SPTBN1: variants seen among roughly 807,000 people sequenced by gnomAD.
SPTBN1 encodes spectrin beta, non-erythrocytic 1, also known as spectrin beta chain, non-erythrocytic 1.
SPTBN1 carries 32 observed loss-of-function variants against 266.4 expected under a neutral mutation model. The observed-to-expected ratio is 0.12, with a 90% CI of 0.09 to 0.16. The LOEUF (loss-of-function observed/expected upper bound fraction) is 0.16. Among genes scored for constraint, SPTBN1 ranks in the 10% least tolerant of loss-of-function variants. The pLI, the probability that SPTBN1 is intolerant of heterozygous loss-of-function variation, is 1.00. For synonymous variants in SPTBN1, 1,336 were observed against 1,162.2 expected, an observed-to-expected ratio of 1.15 and a Z score of -3.04; for missense variants, 2,296 against 3,067.1, an observed-to-expected ratio of 0.75 and a Z score of 5.94.
At chr2:54,643,849 G>C (rs1285721834) in intron 19 of SPTBN1, among the ~76,000 whole-genome samples, 1 of 152,148 alleles carries the variant, frequency 6.6e-6, no homozygotes, top group East Asian at 1.9e-4. Context: ...CAGGCCTGGT[G>C]GTATGTGCCT....
At chr2:54,551,300 C>T (rs1394188766) in intron 2 of SPTBN1, among the ~76,000 whole-genome samples, 1 of 152,224 alleles carries the variant, frequency 6.6e-6, no homozygotes, top group Non-Finnish European at 1.5e-5. Flanking sequence ...CAACTGCATT[C>T]CTCAGATGTT....
chr2:54,595,702 A>T (rs1020279322), intron 2 of SPTBN1, among the ~76,000 whole-genome samples: 1 of 152,048 alleles, frequency 6.6e-6, no homozygotes, highest in African/African-American at 2.4e-5. Context: ...ATAGCAACCC[A>T]CCTTGGAGGG....
At position 54,631,515 on chromosome 2, in the gene SPTBN1, G is replaced by A; in HGVS notation, c.3468G>A (p.Lys1156=). Residue 1156 remains lysine (K), a synonymous_variant, in exon 16 of 36, where the codon AAG becomes AAA. Coordinates refer to ENST00000356805, the MANE Select transcript of SPTBN1 (RefSeq NM_003128.3). ...ALDTGWNELH[K]MWENRQNLLS... is the part of the protein sequence containing the mutation. ...ACACTGGATGGAACGAGCTCCACAA[G>A]ATGTGGGAGAACAGACAAAATCTCC... 6.2e-7 allele frequency: 1 copy of A among 1,614,232 alleles called. No individual in the cohort carries two copies. Among genetic ancestry groups the A allele is most frequent in the East Asian group, 2.2e-5 (1 of 44,880 alleles).
At chr2:54,640,138 T>C (rs1679428781) in intron 18 of SPTBN1, among the ~76,000 whole-genome samples, 1 of 152,224 alleles carries the variant, frequency 6.6e-6, no homozygotes, top group Non-Finnish European at 1.5e-5. Flanking sequence ...TTTTCCATCA[T>C]TCAGCCTTAT....
rs867625904 is a variant in SPTBN1, at chr2:54,633,024, G to A, written c.3767+256G>A. On this transcript the variant is annotated intron_variant, in intron 17 of 35. Coordinates refer to ENST00000356805, the MANE Select transcript of SPTBN1 (RefSeq NM_003128.3). ...TGAGAAGCCAAGCTAATTCTTAACCGAGGACCTGTAAGAGCCGTAGTGCTG... is the reference window on the plus strand; with the variant it reads ...TGAGAAGCCAAGCTAATTCTTAACCAAGGACCTGTAAGAGCCGTAGTGCTG... 4.0e-5 allele frequency among the ~76,000 whole-genome samples: 6 copies of A among 151,498 alleles called. No individual in the cohort carries two copies. In the South Asian group the frequency reaches 8.3e-4, roughly 21 times the overall value.
chr2:54,629,190 G>A lies in SPTBN1; in HGVS notation c.2056G>A (p.Glu686Lys), dbSNP rs1385498046. 7 of 1,613,528 alleles carry A rather than the reference G, an allele frequency of 4.3e-6. No individual in the cohort carries two copies. Among genetic ancestry groups the A allele is most frequent in the Non-Finnish European group, 5.9e-6 (7 of 1,179,946 alleles). The change falls in exon 14 of 36, where the codon GAG becomes AAG. Residue 686 changes from glutamate (E) to lysine (K), a missense_variant. Transcript: ENST00000356805. ...LLSKHRAFED[E>K]MSGRSGHFEQ... ...CAGCAAGCACCGGGCGTTCGAGGACGAGATGAGCGGCCGCAGTGGCCACTT... is the reference window on the plus strand; with the variant it reads ...CAGCAAGCACCGGGCGTTCGAGGACAAGATGAGCGGCCGCAGTGGCCACTT...
chr2:54,634,820 C>T (rs1257731351), intron 17 of SPTBN1, among the ~76,000 whole-genome samples: 1 of 152,044 alleles, frequency 6.6e-6, no homozygotes, highest in Admixed American at 6.6e-5. Flanking sequence ...GACACTGACT[C>T]TAACAGATGT....
At chr2:54,660,710 C>G in intron 32 of SPTBN1, 1 of 985,366 alleles carries the variant, frequency 1.0e-6, no homozygotes, top group Non-Finnish European at 1.2e-6. Flanking sequence ...CAAACTAGTT[C>G]CTCTCTTTTT....
intron 1 of SPTBN1, among the ~76,000 whole-genome samples, chr2:54,503,852 A>G (rs1669405211): frequency 6.6e-6 from 1 of 152,146 alleles, no homozygotes; most frequent in Non-Finnish European, 1.5e-5. Flanking sequence ...TGGGGGGAAT[A>G]TTTTGGTGCT....
intron 1 of SPTBN1, among the ~76,000 whole-genome samples, chr2:54,486,148 C>T (rs528836883): frequency 6.4e-5 from 9 of 140,552 alleles, no homozygotes; most frequent in South Asian, 2.4e-4. Context: ...AGGTGAGGGG[C>T]GCCTCTGCCC....
At chr2:54,647,010 C>T (rs766679220) in intron 23 of SPTBN1, 121 bp from the exon 24 acceptor site, 15 of 1,449,686 alleles carry the variant, frequency 1.0e-5, no homozygotes, top group Non-Finnish European at 1.4e-5. Context: ...CGTACTGCAC[C>T]TCTGGAGTTT....
At chr2:54,622,242 T>A in intron 8 of SPTBN1, 58 bp from the exon 9 acceptor site, 8 of 1,439,952 alleles carry the variant, frequency 5.6e-6, no homozygotes, top group Non-Finnish European at 6.7e-6. Context: ...AGGGTTACAA[T>A]CGTATTTAAC....
rs114108326 is a variant in SPTBN1, at chr2:54,641,002, A to G, written c.3859-1981A>G. ...GGCAGTATATCTACATGTGTCTGGT[A>G]CAGGGATGTGAGTTAGTCCTTTACT... is the stretch of plus-strand genomic sequence containing the variant. On this transcript the variant is annotated intron_variant, in intron 18 of 35. Coordinates refer to ENST00000356805, the MANE Select transcript of SPTBN1 (RefSeq NM_003128.3). Among the ~76,000 whole-genome samples the G allele has an allele frequency of 5.7e-3, 870 of 152,360 alleles. 13 individuals carry two copies. The highest frequency in any genetic ancestry group is 0.02 in the African/African-American group (817 of 41,582).
intron 1 of SPTBN1, among the ~76,000 whole-genome samples, chr2:54,505,416 A>G (rs1366496057): frequency 6.6e-6 from 1 of 152,222 alleles, no homozygotes; most frequent in African/African-American, 2.4e-5. Context: ...AACAACAACA[A>G]TAACAACAAC....
intron 30 of SPTBN1, among the ~76,000 whole-genome samples, chr2:54,658,277 T>C (rs544095786): frequency 2.0e-4 from 31 of 152,332 alleles, no homozygotes; most frequent in Admixed American, 1.8e-3. Context: ...TGATCCCTTA[T>C]AGTAGCTTCC....
Position 54,653,070 on chromosome 2 carries a change from C to A in SPTBN1, c.5578-539C>A, listed in dbSNP as rs1031149396. 1 of 152,064 alleles carries A rather than the reference C, an allele frequency of 6.6e-6. No homozygotes were observed. The highest frequency in any genetic ancestry group is 2.4e-5 in the African/African-American group (1 of 41,398). 9.4% of individuals were successfully genotyped at this position (152,064 alleles called of 1,614,324 possible). A position where few individuals can be genotyped will look rare whatever the true frequency, so the allele number is the denominator to read the frequency against. ...CTATTTCAAGTTTCACCTTCTTTAA[C>A]GTTAATTAGTTATTTTAACCACATA... On this transcript the variant is annotated intron_variant, in intron 26 of 35. Coordinates refer to ENST00000356805, the MANE Select transcript of SPTBN1 (RefSeq NM_003128.3). The surrounding 1 kb of genome is among the most constrained non-coding windows in gnomAD (Gnocchi z 5.1).
intron 2 of SPTBN1, among the ~76,000 whole-genome samples, chr2:54,596,754 G>A (rs572774987): frequency 1.2e-4 from 18 of 152,042 alleles, no homozygotes; most frequent in Non-Finnish European, 2.5e-4. Context: ...GATAGCCCTG[G>A]GGAGCCCTCC....
chr2:54,470,827 T>G (rs1693882707), intron 1 of SPTBN1, among the ~76,000 whole-genome samples: 1 of 152,162 alleles, frequency 6.6e-6, no homozygotes, highest in Non-Finnish European at 1.5e-5. Context: ...ACTGTTCTTT[T>G]CGCAGAGTTA....
chr2:54,534,993 C>T (rs1439924834), intron 2 of SPTBN1: 1 of 152,212 alleles, frequency 6.6e-6, no homozygotes, highest in Non-Finnish European at 1.5e-5. Context: ...CTGAACTCCT[C>T]ATTCTCTCCA....
Sources: gnomAD v4.1 joint callset for allele counts (sites outside exome capture counted in the v4.1 genomes callset) on GRCh38, gnomAD v4.1.1 for gene constraint, Gnocchi (gnomAD v3.1) non-coding constraint, MANE v1.5 for transcripts, NCBI Gene and HGNC (gene_info 2026-07-23, HGNC 2026-07-21) for gene names.